Variants in IL1RAPL2 observed in about 807,000 individuals in gnomAD.
IL1RAPL2 encodes the protein X-linked interleukin-1 receptor accessory protein-like 2.
Under a neutral mutation model 44.1 loss-of-function variants are expected in IL1RAPL2, and 3 were observed. The observed-to-expected ratio is 0.07, with a 90% confidence interval of 0.03 to 0.18. The LOEUF is 0.18. Ranked by LOEUF, IL1RAPL2 falls within the 10% of genes least tolerant of loss-of-function variation. The pLI is 1.00. For synonymous variants in IL1RAPL2, 181 were observed against 178.8 expected (o/e 1.01, Z -0.10); for missense variants, 391 against 496.4 (o/e 0.79, Z 2.02).
intron 3 of IL1RAPL2, chrX:105,220,617 A>C (rs1267285413): frequency 5.7e-6 from 2 of 349,117 alleles, no homozygotes; most frequent in African/African-American, 5.1e-5. Flanking sequence ...GGCCAGAGGA[A>C]GTACAGGCCA....
intron 6 of IL1RAPL2, among the ~76,000 whole-genome samples, chrX:105,633,162 G>A (rs187090417): frequency 1.7e-4 from 19 of 111,701 alleles, no homozygotes; most frequent in African/African-American, 5.2e-4. Flanking sequence ...TGTTTCATTC[G>A]TTGGTAAACA....
chrX:105,324,469 G>T lies in IL1RAPL2; in HGVS notation c.697+56928G>T, dbSNP rs746485943. Among the ~76,000 whole-genome samples, 5 of 111,412 alleles carry T rather than the reference G, an allele frequency of 4.5e-5. No homozygotes were observed. The South Asian group carries it at 1.9e-3, about 42-fold the overall frequency. On this transcript the variant is annotated intron_variant, in intron 5 of 10. Transcript: ENST00000372582. ...TCACTCAGACCAAAAAGAATCTCTC[G>T]TTCCTCTGAAATCCTGTAGCATGCT... is the stretch of plus-strand genomic sequence containing the variant.
intron 2 of IL1RAPL2, among the ~76,000 whole-genome samples, chrX:104,677,012 A>G (rs1214796247): frequency 1.8e-5 from 2 of 111,127 alleles, no homozygotes; most frequent in East Asian, 5.7e-4. Flanking sequence ...ATTTTTTTCA[A>G]AGTTTTCAAC....
intron 5 of IL1RAPL2, among the ~76,000 whole-genome samples, chrX:105,382,724 T>A (rs1183365576): frequency 1.0e-5 from 1 of 98,371 alleles, no homozygotes; most frequent in Non-Finnish European, 1.9e-5. Context: ...CCAACCCAAA[T>A]GTCCAACAAT....
intron 10 of IL1RAPL2, among the ~76,000 whole-genome samples, chrX:105,761,621 A>G (rs1602560465): frequency 8.9e-6 from 1 of 111,823 alleles, no homozygotes; most frequent in African/African-American, 3.2e-5. Context: ...GTTGATAGCT[A>G]TAAATTAGCT....
At chrX:105,007,717 A>C (rs1016022166) in intron 2 of IL1RAPL2, among the ~76,000 whole-genome samples, 17 of 111,563 alleles carry the variant, frequency 1.5e-4, no homozygotes, top group African/African-American at 5.5e-4. Context: ...ACATTCAATT[A>C]CTACATAATC....
At chrX:104,761,923 CCTTCTT>C (rs759437149) in intron 2 of IL1RAPL2, among the ~76,000 whole-genome samples, 337 of 30,728 alleles carry the variant, frequency 0.011, 15 homozygotes, top group South Asian at 0.027. Context: ...TTCTCCTTCT[CCTTCTT>C]CTTCTTCTTC....
At chrX:105,526,559 T>C (rs1201845154) in intron 6 of IL1RAPL2, among the ~76,000 whole-genome samples, 1 of 111,998 alleles carries the variant, frequency 8.9e-6, no homozygotes, top group East Asian at 2.8e-4. Flanking sequence ...AGAAATAGTA[T>C]GAATTCCATC....
chrX:104,761,275 G>A (rs1282992919), intron 2 of IL1RAPL2, among the ~76,000 whole-genome samples: 2 of 111,188 alleles, frequency 1.8e-5, no homozygotes, highest in African/African-American at 6.6e-5. Context: ...TTCACATGGT[G>A]GCAGGAAGGA....
chrX:105,672,858 T>C (rs139478371), intron 6 of IL1RAPL2, among the ~76,000 whole-genome samples: 2,353 of 111,746 alleles, frequency 0.021, 60 homozygotes, highest in African/African-American at 0.074. Context: ...CCTTTTTTAG[T>C]CTTTTAGATA....
chrX:105,640,920 A>G (rs962020972), intron 6 of IL1RAPL2, among the ~76,000 whole-genome samples: 5 of 107,886 alleles, frequency 4.6e-5, no homozygotes, highest in Non-Finnish European at 9.6e-5. Flanking sequence ...CTGATTGACA[A>G]CTGCAACAAA....
intron 6 of IL1RAPL2, among the ~76,000 whole-genome samples, chrX:105,570,682 A>G (rs1183817092): frequency 8.9e-6 from 1 of 112,231 alleles, no homozygotes; most frequent in Non-Finnish European, 1.9e-5. Context: ...CATAGATTCA[A>G]GGCTTGAAGC....
chrX:105,237,369 A>G (rs2034129867), intron 4 of IL1RAPL2, among the ~76,000 whole-genome samples: 1 of 111,872 alleles, frequency 8.9e-6, no homozygotes, highest in African/African-American at 3.3e-5. Context: ...CAGTAATGGG[A>G]TGGCTGGGTC....
chrX:105,106,290 C>T (rs1357083768), intron 2 of IL1RAPL2, among the ~76,000 whole-genome samples: 3 of 111,028 alleles, frequency 2.7e-5, no homozygotes, highest in African/African-American at 9.8e-5. Flanking sequence ...GGTGAGAGAA[C>T]ATATTCATGG....
At chrX:105,365,536 C>G (rs927720148) in intron 5 of IL1RAPL2, among the ~76,000 whole-genome samples, 5 of 111,004 alleles carry the variant, frequency 4.5e-5, no homozygotes, top group Non-Finnish European at 7.5e-5. Flanking sequence ...CTTGGCTTTT[C>G]TTTAATGGGA....
At chrX:104,940,038 T>A (rs1208094428) in intron 2 of IL1RAPL2, among the ~76,000 whole-genome samples, 1 of 111,709 alleles carries the variant, frequency 9.0e-6, no homozygotes, top group African/African-American at 3.3e-5. Context: ...TGCATGTATC[T>A]GTGAATATAC....
chrX:105,402,399 C>A (rs1377347902), intron 5 of IL1RAPL2, among the ~76,000 whole-genome samples: 1 of 111,798 alleles, frequency 8.9e-6, no homozygotes, highest in East Asian at 2.8e-4. Flanking sequence ...GTTTTCAAAG[C>A]ACATACACAT....
chrX:105,640,789 GATAT>G (rs1305640383), intron 6 of IL1RAPL2, among the ~76,000 whole-genome samples: 24 of 98,556 alleles, frequency 2.4e-4, no homozygotes, highest in African/African-American at 3.4e-4. Flanking sequence ...TATAGATATA[GATAT>G]AGATAGAGAG....
At chrX:104,904,225 T>TTA (rs59230040) in intron 2 of IL1RAPL2, among the ~76,000 whole-genome samples, 198 of 104,679 alleles carry the variant, frequency 1.9e-3, no homozygotes, top group Middle Eastern at 5.0e-3. Flanking sequence ...TTATCTTCTT[T>TTA]TATATATATA....
Sources: allele counts gnomAD v4.1 joint callset (sites outside exome capture counted in the v4.1 genomes callset), GRCh38; gene constraint gnomAD v4.1.1; transcripts MANE v1.5; gene names NCBI Gene and HGNC (gene_info 2026-07-23, HGNC 2026-07-21).